The following GALNTL6 variants were observed in gnomAD, a reference collection of about 807,000 sequenced individuals.
GALNTL6 encodes the protein polypeptide N-acetylgalactosaminyltransferase-like 6.
In GALNTL6, 46 loss-of-function variants were observed where a neutral mutation model predicts 73.7. The observed-to-expected ratio is 0.62, with a 90% CI of 0.49 to 0.80. The LOEUF (loss-of-function observed/expected upper bound fraction) is 0.80, where lower values mean the gene tolerates loss of function less well. Ranked by LOEUF, GALNTL6 falls within the 30% of genes least tolerant of loss-of-function variation. The pLI is 0.00. For missense variants in GALNTL6, 604 were observed against 755.0 expected, an observed-to-expected ratio of 0.80 and a Z score of 2.34; for synonymous variants, 259 against 263.7, an observed-to-expected ratio of 0.98 and a Z score of 0.17.
chr4:172,306,328 G>T (rs755307576), intron 3 of GALNTL6, among the ~76,000 whole-genome samples: 5 of 152,140 alleles, frequency 3.3e-5, no homozygotes, highest in Admixed American at 6.5e-5. Flanking sequence ...GGTGCAGCTT[G>T]CAGTGAGCCG....
rs146194061 is a variant in GALNTL6 at position 172,704,194 on chromosome 4, A to G, written c.554-105167A>G. 4.9e-3 allele frequency among the ~76,000 whole-genome samples: 740 copies of G among 151,712 alleles called. 8 individuals carry two copies. Among genetic ancestry groups the G allele is most frequent in the African/African-American group, 0.014 (597 of 41,444 alleles). The stretch of plus-strand genomic sequence containing the variant: ...TAATTTTTTAGTCTCAATTTTATTT[A>G]TTTCTGCTCTGATCTTTATTGTTTC... On this transcript the variant is annotated intron_variant, in intron 5 of 12. Transcript: ENST00000506823.
At chr4:173,035,996 G>T (rs1052662754) in intron 12 of GALNTL6, among the ~76,000 whole-genome samples, 6 of 152,130 alleles carry the variant, frequency 3.9e-5, no homozygotes, top group Non-Finnish European at 4.4e-5. Context: ...CTATGCCAGT[G>T]ATTTTATATC....
At chr4:172,474,636 AT>A (rs1186351209) in intron 5 of GALNTL6, among the ~76,000 whole-genome samples, 2 of 152,234 alleles carry the variant, frequency 1.3e-5, no homozygotes, top group African/African-American at 4.8e-5. Context: ...AAATATTGGC[AT>A]TTCCAGAGCT....
intron 12 of GALNTL6, among the ~76,000 whole-genome samples, chr4:173,022,725 G>C (rs1025724131): frequency 6.6e-6 from 1 of 152,088 alleles, no homozygotes; most frequent in East Asian, 1.9e-4. Flanking sequence ...GAATTTAAAA[G>C]TTTCAAAAAT....
intron 2 of GALNTL6, among the ~76,000 whole-genome samples, chr4:172,060,227 A>G (rs1731154461): frequency 6.6e-6 from 1 of 152,244 alleles, no homozygotes; most frequent in Admixed American, 6.5e-5. Flanking sequence ...AATTGAAGAC[A>G]AAAGCAATTC....
chr4:173,006,456 C>T (rs1327632515), intron 10 of GALNTL6, among the ~76,000 whole-genome samples: 1 of 152,098 alleles, frequency 6.6e-6, no homozygotes, highest in African/African-American at 2.4e-5. Flanking sequence ...AGGCTCAAGA[C>T]AGCAATAGCA....
At chr4:173,018,112 T>C (rs1487480650) in intron 11 of GALNTL6, among the ~76,000 whole-genome samples, 3 of 152,200 alleles carry the variant, frequency 2.0e-5, no homozygotes, top group Non-Finnish European at 4.4e-5. Flanking sequence ...AATAAATCAA[T>C]CAAGACCACT....
At chr4:172,481,221 G>A (rs950844300) in intron 5 of GALNTL6, among the ~76,000 whole-genome samples, 4 of 151,636 alleles carry the variant, frequency 2.6e-5, no homozygotes, top group Admixed American at 6.6e-5. Flanking sequence ...GCAGCCAGTC[G>A]GGAGTTGTTC....
chr4:172,308,003 CTTTTTTTTTTT>C (rs70941399), intron 3 of GALNTL6, among the ~76,000 whole-genome samples: 4 of 34,586 alleles, frequency 1.2e-4, no homozygotes, highest in Non-Finnish European at 1.5e-4. Context: ...TGTGTTTTAA[CTTTTTTTTTTT>C]TTTTTTTTTT....
At chr4:172,567,193 C>T (rs1320831789) in intron 5 of GALNTL6, among the ~76,000 whole-genome samples, 1 of 150,716 alleles carries the variant, frequency 6.6e-6, no homozygotes, top group Non-Finnish European at 1.5e-5. Context: ...TTTTTTTTCT[C>T]AGAAGCTCAA....
chr4:172,667,532 C>T (rs1213338528), intron 5 of GALNTL6: 3 of 152,152 alleles, frequency 2.0e-5, no homozygotes, highest in Non-Finnish European at 2.9e-5. Flanking sequence ...AATTGAATTC[C>T]ATGAGATTAT....
At chr4:172,695,824 G>C (rs556343306) in intron 5 of GALNTL6, among the ~76,000 whole-genome samples, 2 of 152,048 alleles carry the variant, frequency 1.3e-5, no homozygotes, top group African/African-American at 4.8e-5. Context: ...ATGGTGGCGG[G>C]CACCTGTAGT....
At chr4:172,618,500 G>A (rs1390484635) in intron 5 of GALNTL6, among the ~76,000 whole-genome samples, 1 of 152,088 alleles carries the variant, frequency 6.6e-6, no homozygotes, top group Non-Finnish European at 1.5e-5. Flanking sequence ...AATAAATTTA[G>A]TAAAGAGAGA....
intron 5 of GALNTL6, among the ~76,000 whole-genome samples, chr4:172,463,431 A>G (rs1055671220): frequency 6.6e-6 from 1 of 152,160 alleles, no homozygotes; most frequent in African/African-American, 2.4e-5. Flanking sequence ...TAATGCCTAT[A>G]TCGGTATGTA....
At chr4:172,022,081 G>A (rs1323253626) in intron 2 of GALNTL6, among the ~76,000 whole-genome samples, 1 of 151,968 alleles carries the variant, frequency 6.6e-6, no homozygotes, top group Non-Finnish European at 1.5e-5. Context: ...AAAAATGGAT[G>A]AATGGGATCA....
At chr4:172,362,465 C>T (rs569858400) in intron 5 of GALNTL6, among the ~76,000 whole-genome samples, 1 of 152,206 alleles carries the variant, frequency 6.6e-6, no homozygotes, top group African/African-American at 2.4e-5. Context: ...TTATCTGGGG[C>T]ATGCTTTTCT....
chr4:171,842,331 C>G (rs1213473799), intron 2 of GALNTL6, among the ~76,000 whole-genome samples: 1 of 152,048 alleles, frequency 6.6e-6, no homozygotes, highest in African/African-American at 2.4e-5. Flanking sequence ...TTCTGAAATG[C>G]AATCCCCAAA....
chr4:172,125,502 T>A (rs1466780041), intron 2 of GALNTL6, among the ~76,000 whole-genome samples: 2 of 152,198 alleles, frequency 1.3e-5, no homozygotes, highest in Non-Finnish European at 2.9e-5. Flanking sequence ...GTATTTTTAA[T>A]ACCAAAGCTC....
At chr4:171,895,386 G>A (rs1185189816) in intron 2 of GALNTL6, among the ~76,000 whole-genome samples, 1 of 152,126 alleles carries the variant, frequency 6.6e-6, no homozygotes, top group Non-Finnish European at 1.5e-5. Context: ...TTCTGGAGTA[G>A]GGGGAGGGGA....
Sources: gnomAD v4.1 joint callset for allele counts (sites outside exome capture counted in the v4.1 genomes callset) on GRCh38, gnomAD v4.1.1 for gene constraint, MANE v1.5 for transcripts, NCBI Gene and HGNC (gene_info 2026-07-23, HGNC 2026-07-21) for gene names.